The following GPATCH2 variants were observed in gnomAD, a reference collection of about 807,000 sequenced individuals.
GPATCH2 encodes G patch domain-containing protein 2.
A neutral mutation model predicts 58.0 loss-of-function variants in GPATCH2; 51 were observed. The ratio of observed to expected loss-of-function variants is 0.88; its 90% CI spans 0.70 to 1.11. GPATCH2 has a LOEUF of 1.11. Among genes scored for constraint, GPATCH2 ranks in the 50% most tolerant of loss-of-function variants. The pLI is 0.00. For missense variants in GPATCH2, 625 were observed against 652.2 expected (o/e 0.96, Z 0.45); for synonymous variants, 222 against 218.5 (o/e 1.02, Z -0.14).
Position 217,621,511 on chromosome 1 carries a change from T to G in GPATCH2, c.57-1012A>C, listed in dbSNP as rs186359515. Among the ~76,000 whole-genome samples the G allele has an allele frequency of 1.1e-4, 16 of 152,296 alleles. No individual in the cohort carries two copies. In the East Asian group the frequency reaches 3.1e-3, roughly 29 times the overall value. ...TATGTAACTGGCCTGCTAGTAAATATTCTAGGCTTTGCAGGCCATTGGGTC... is the reference window on the plus strand; with the variant it reads ...TATGTAACTGGCCTGCTAGTAAATAGTCTAGGCTTTGCAGGCCATTGGGTC... On this transcript the variant is annotated intron_variant, in intron 1 of 9. Transcript: ENST00000366935.
intron 5 of GPATCH2, among the ~76,000 whole-genome samples, chr1:217,585,401 T>C (rs1411351720): frequency 2.0e-5 from 3 of 152,056 alleles, no homozygotes; most frequent in African/African-American, 7.2e-5. Flanking sequence ...GGCAGGCAAA[T>C]CACGAGGTCG....
chr1:217,571,713 AAAAAAAAC>A (rs1473181150), intron 5 of GPATCH2, among the ~76,000 whole-genome samples: 7 of 148,592 alleles, frequency 4.7e-5, no homozygotes, highest in East Asian at 2.0e-4. Context: ...CAAAAAAAAA[AAAAAAAAC>A]AAAAAAGAAG....
At chr1:217,566,518 A>G (rs1666245487) in intron 5 of GPATCH2, among the ~76,000 whole-genome samples, 1 of 152,238 alleles carries the variant, frequency 6.6e-6, no homozygotes, top group Admixed American at 6.5e-5. Flanking sequence ...TATACAGTTC[A>G]TACAAATCAA....
At chr1:217,483,854 G>A (rs1479842698) in intron 8 of GPATCH2, among the ~76,000 whole-genome samples, 1 of 151,988 alleles carries the variant, frequency 6.6e-6, no homozygotes, top group Non-Finnish European at 1.5e-5. Context: ...TTTCAGAGTT[G>A]TTTACATATT....
chr1:217,622,109 G>A (rs1163264241), intron 1 of GPATCH2, among the ~76,000 whole-genome samples: 1 of 152,174 alleles, frequency 6.6e-6, no homozygotes, highest in African/African-American at 2.4e-5. Context: ...TTTTGTTTAT[G>A]ATTAATTTAG....
chr1:217,431,234 T>A lies in GPATCH2; in HGVS notation c.1498A>T (p.Met500Leu), dbSNP rs761991102. 8 of 1,610,852 alleles carry A rather than the reference T, an allele frequency of 5.0e-6. No homozygotes were observed. Among genetic ancestry groups the A allele is most frequent in the Non-Finnish European group, 6.8e-6 (8 of 1,176,960 alleles). ...AGTCCTAATCCCTTTGGCCTCTGCA[T>A]GGCTTGAATTGGCTCAGAGATCCCC... is the stretch of plus-strand genomic sequence containing the variant. Reference protein sequence around the residue: ...GKGISEPIQAMQRPKGLGLGF... With the variant: ...GKGISEPIQALQRPKGLGLGF... Residue 500 changes from methionine to leucine, a missense_variant, in exon 10 of 10, where the codon ATG becomes TTG. Coordinates refer to ENST00000366935, the MANE Select transcript of GPATCH2 (RefSeq NM_018040.5).
At chr1:217,570,674 T>C (rs1666492698) in intron 5 of GPATCH2, among the ~76,000 whole-genome samples, 2 of 152,162 alleles carry the variant, frequency 1.3e-5, no homozygotes, top group African/African-American at 4.8e-5. Flanking sequence ...CGAGTGAAGG[T>C]AGAATTCTGC....
intron 5 of GPATCH2, among the ~76,000 whole-genome samples, chr1:217,584,933 C>G (rs936492226): frequency 6.6e-6 from 1 of 150,380 alleles, no homozygotes; most frequent in African/African-American, 2.5e-5. Context: ...ACAAAAGGAC[C>G]CAGAAAGGTA....
intron 8 of GPATCH2, among the ~76,000 whole-genome samples, chr1:217,463,060 A>G (rs377564792): frequency 2.0e-5 from 3 of 152,228 alleles, no homozygotes; most frequent in Non-Finnish European, 4.4e-5. Context: ...TTTGTATAAA[A>G]TAAACTGAAT....
intron 5 of GPATCH2, among the ~76,000 whole-genome samples, chr1:217,544,964 C>T (rs1000417726): frequency 6.6e-6 from 1 of 152,184 alleles, no homozygotes. Flanking sequence ...CTGTCTTTCA[C>T]TTAATTAGGA....
At chr1:217,517,676 T>G (rs898573052) in intron 5 of GPATCH2, among the ~76,000 whole-genome samples, 1 of 152,134 alleles carries the variant, frequency 6.6e-6, no homozygotes, top group Non-Finnish European at 1.5e-5. Context: ...GTTTTAAACA[T>G]CAGATCAAAG....
intron 8 of GPATCH2, among the ~76,000 whole-genome samples, chr1:217,466,454 G>A (rs1241381227): frequency 2.6e-5 from 4 of 152,016 alleles, no homozygotes; most frequent in African/African-American, 4.8e-5. Flanking sequence ...CAAACTCCTG[G>A]GCTCAAGCTA....
At chr1:217,568,042 A>G (rs1031551540) in intron 5 of GPATCH2, among the ~76,000 whole-genome samples, 2 of 152,130 alleles carry the variant, frequency 1.3e-5, no homozygotes, top group Admixed American at 6.5e-5. Context: ...GTGTGAACCC[A>G]GGAGGCGGAG....
chr1:217,554,456 C>T (rs1444280502), intron 5 of GPATCH2, among the ~76,000 whole-genome samples: 1 of 152,100 alleles, frequency 6.6e-6, no homozygotes, highest in Non-Finnish European at 1.5e-5. Context: ...TAACTTGTAT[C>T]TATAGTACGA....
intron 5 of GPATCH2, among the ~76,000 whole-genome samples, chr1:217,529,850 C>T (rs1240760048): frequency 1.3e-5 from 2 of 152,194 alleles, no homozygotes; most frequent in Admixed American, 6.5e-5. Flanking sequence ...TACAAACTGA[C>T]ATCAACTCTT....
chr1:217,516,057 A>G (rs898948242), intron 5 of GPATCH2, among the ~76,000 whole-genome samples: 55 of 152,134 alleles, frequency 3.6e-4, no homozygotes, highest in African/African-American at 1.3e-3. Flanking sequence ...TCTAAATAAA[A>G]TTTAAAATCT....
At chr1:217,524,853 GA>G (rs1663757852) in intron 5 of GPATCH2, among the ~76,000 whole-genome samples, 1 of 15,112 alleles carries the variant, frequency 6.6e-5, no homozygotes, top group Non-Finnish European at 1.3e-4. Context: ...AGACCGGGGA[GA>G]GGGGAGAGGG....
At chr1:217,435,205 A>G (rs1658761110) in intron 9 of GPATCH2, among the ~76,000 whole-genome samples, 1 of 152,154 alleles carries the variant, frequency 6.6e-6, no homozygotes, top group Non-Finnish European at 1.5e-5. Context: ...GACCTTTCCT[A>G]GAAGGCTCTC....
intron 5 of GPATCH2, among the ~76,000 whole-genome samples, chr1:217,555,028 A>C (rs1665551861): frequency 6.6e-6 from 1 of 152,192 alleles, no homozygotes; most frequent in Non-Finnish European, 1.5e-5. Flanking sequence ...CAGTTTGCTC[A>C]GTGTACAGAT....
Sources: gnomAD v4.1 joint callset for allele counts (sites outside exome capture counted in the v4.1 genomes callset) on GRCh38, gnomAD v4.1.1 for gene constraint, MANE v1.5 for transcripts, NCBI Gene and HGNC (gene_info 2026-07-23, HGNC 2026-07-21) for gene names.